NSMCE2: variants seen among roughly 807,000 people sequenced by gnomAD.
NSMCE2 encodes the protein NSE2 SUMO ligase component of SMC5/6 complex.
A neutral mutation model predicts 23.8 loss-of-function variants in NSMCE2; 24 were observed. That is an observed-to-expected ratio of 1.01 (90% confidence interval 0.73 to 1.42). NSMCE2 has a LOEUF of 1.42. Ranked by LOEUF, NSMCE2 falls within the 40% of genes most tolerant of loss-of-function variation. The pLI, the probability that NSMCE2 is intolerant of heterozygous loss-of-function variation, is 0.00. For synonymous variants in NSMCE2, 92 were observed against 94.1 expected, an observed-to-expected ratio of 0.98 and a Z score of 0.13; for missense variants, 284 against 296.5, an observed-to-expected ratio of 0.96 and a Z score of 0.31.
At chr8:125,350,338 G>A (rs889528777) in intron 5 of NSMCE2, among the ~76,000 whole-genome samples, 2 of 152,156 alleles carry the variant, frequency 1.3e-5, no homozygotes, top group African/African-American at 4.8e-5. Flanking sequence ...AGAAGGAGTA[G>A]GACAGGCACA....
chr8:125,236,371 A>G (rs1023466239), intron 5 of NSMCE2, among the ~76,000 whole-genome samples: 9 of 152,190 alleles, frequency 5.9e-5, no homozygotes, highest in Admixed American at 2.0e-4. Context: ...AAAACTATAT[A>G]TATATATATC....
intron 4 of NSMCE2, among the ~76,000 whole-genome samples, chr8:125,178,666 C>G (rs1180214189): frequency 6.6e-6 from 1 of 151,964 alleles, no homozygotes; most frequent in Non-Finnish European, 1.5e-5. Context: ...GTCAGGAGAT[C>G]GAGACCATCC....
intron 3 of NSMCE2, among the ~76,000 whole-genome samples, chr8:125,138,333 C>T (rs1475034735): frequency 1.3e-5 from 2 of 152,130 alleles, no homozygotes; most frequent in Admixed American, 1.3e-4. Context: ...AAGTGATCCT[C>T]CCACCTCGGT....
intron 5 of NSMCE2, among the ~76,000 whole-genome samples, chr8:125,254,592 C>G (rs1191653942): frequency 2.7e-5 from 4 of 149,492 alleles, no homozygotes; most frequent in Admixed American, 2.6e-4. Context: ...TTTCTTTTAT[C>G]TGTTTACCTC....
At chr8:125,186,964 A>C (rs1454749123) in intron 5 of NSMCE2, among the ~76,000 whole-genome samples, 3 of 152,368 alleles carry the variant, frequency 2.0e-5, no homozygotes, top group Admixed American at 6.5e-5. Context: ...CTTTGAACAA[A>C]GAATTTTATC....
intron 5 of NSMCE2, among the ~76,000 whole-genome samples, chr8:125,201,555 C>T (rs1392319321): frequency 6.6e-6 from 1 of 152,202 alleles, no homozygotes; most frequent in Non-Finnish European, 1.5e-5. Context: ...CTGATCCTTC[C>T]TCTGGAAGTT....
chr8:125,251,998 A>G (rs80072448), intron 5 of NSMCE2, among the ~76,000 whole-genome samples: 2,772 of 152,322 alleles, frequency 0.018, 85 homozygotes, highest in African/African-American at 0.062. Flanking sequence ...GTGATAAACC[A>G]TTGAAATATG....
chr8:125,119,837 T>C (rs1471602745), intron 3 of NSMCE2, among the ~76,000 whole-genome samples: 2 of 152,118 alleles, frequency 1.3e-5, no homozygotes, highest in East Asian at 3.8e-4. Context: ...TTTTTCTCCC[T>C]CTTCTTTCTG....
chr8:125,144,802 A>C lies in NSMCE2; in HGVS notation c.158-6369A>C, dbSNP rs142838088. On this transcript the variant is annotated intron_variant, in intron 3 of 7. Transcript: ENST00000287437. The stretch of plus-strand genomic sequence containing the variant: ...TCTCATGAATTTTAAGTTGAATTTG[A>C]TTATAACACAAAATCACCCATTTCT... Among the ~76,000 whole-genome samples, 583 of 152,266 alleles carry C rather than the reference A, an allele frequency of 3.8e-3. 2 individuals are homozygous for C. Among genetic ancestry groups the C allele is most frequent in the Non-Finnish European group, 7.4e-3 (501 of 68,018 alleles).
At chr8:125,106,133 A>G (rs557572432) in intron 3 of NSMCE2, among the ~76,000 whole-genome samples, 1 of 152,262 alleles carries the variant, frequency 6.6e-6, no homozygotes, top group East Asian at 1.9e-4. Context: ...CCAAGTGACT[A>G]TTCTGCATAT....
intron 5 of NSMCE2, among the ~76,000 whole-genome samples, chr8:125,226,977 C>T (rs1825123782): frequency 2.0e-5 from 3 of 152,118 alleles, no homozygotes; most frequent in Admixed American, 6.6e-5. Context: ...CAGTTCACTT[C>T]CTTTAGTTGC....
chr8:125,322,692 A>T (rs1205942016), intron 5 of NSMCE2, among the ~76,000 whole-genome samples: 1 of 152,252 alleles, frequency 6.6e-6, no homozygotes, highest in Non-Finnish European at 1.5e-5. Context: ...TAACATGATC[A>T]TCTGTGCTGA....
intron 5 of NSMCE2, among the ~76,000 whole-genome samples, chr8:125,257,954 G>A (rs1420661361): frequency 6.6e-6 from 1 of 152,176 alleles, no homozygotes; most frequent in Admixed American, 6.5e-5. Flanking sequence ...GGTGGTGGTG[G>A]TGGTTTTGGA....
chr8:125,162,343 C>T (rs1194736005), intron 4 of NSMCE2, among the ~76,000 whole-genome samples: 1 of 152,168 alleles, frequency 6.6e-6, no homozygotes, highest in East Asian at 1.9e-4. Flanking sequence ...TGAAACTGAA[C>T]ATGTTATACT....
chr8:125,252,627 T>C (rs546632605), intron 5 of NSMCE2, among the ~76,000 whole-genome samples: 1 of 152,378 alleles, frequency 6.6e-6, no homozygotes, highest in South Asian at 2.1e-4. Context: ...AATGAGGTCT[T>C]GTAATTGGCA....
At chr8:125,151,051 G>C in intron 3 of NSMCE2, 120 bp from the exon 4 acceptor site, 1 of 465,962 alleles carries the variant, frequency 2.1e-6, no homozygotes, top group Non-Finnish European at 3.8e-6. Flanking sequence ...TTTTTAAAAA[G>C]ATGTAATAGC....
At chr8:125,117,413 T>A (rs1275621812) in intron 3 of NSMCE2, among the ~76,000 whole-genome samples, 2 of 152,178 alleles carry the variant, frequency 1.3e-5, no homozygotes, top group African/African-American at 4.8e-5. Flanking sequence ...TTTTGTGTGT[T>A]TCCAAGTAAG....
At chr8:125,151,133 A>T (rs1243511794) in intron 3 of NSMCE2, 38 bp from the exon 4 acceptor site, 2 of 1,111,574 alleles carry the variant, frequency 1.8e-6, no homozygotes, top group Admixed American at 1.7e-5. Flanking sequence ...ATGGCATTTT[A>T]AATGGAAAAT....
intron 5 of NSMCE2, among the ~76,000 whole-genome samples, chr8:125,316,699 CT>C (rs1829206101): frequency 1.9e-5 from 1 of 52,976 alleles, no homozygotes; most frequent in Non-Finnish European, 5.2e-5. Flanking sequence ...TCCTTCTTTC[CT>C]TCCTTCCTTC....
Sources: allele counts gnomAD v4.1 joint callset (sites outside exome capture counted in the v4.1 genomes callset), GRCh38; gene constraint gnomAD v4.1.1; transcripts MANE v1.5; gene names NCBI Gene and HGNC (gene_info 2026-07-23, HGNC 2026-07-21).